The following RAD54B variants were observed in gnomAD, a reference collection of about 807,000 sequenced individuals.
RAD54B encodes the protein DNA repair and recombination protein RAD54B.
RAD54B carries 78 observed loss-of-function variants against 95.8 expected under a neutral mutation model. The ratio of observed to expected loss-of-function variants is 0.81; its 90% CI spans 0.68 to 0.98. The LOEUF is 0.98. Ranked by LOEUF, RAD54B falls within the 50% of genes least tolerant of loss-of-function variation. The pLI is 0.00. For synonymous variants in RAD54B, 328 were observed against 354.9 expected, an observed-to-expected ratio of 0.92 and a Z score of 0.85; for missense variants, 957 against 1,056.6, an observed-to-expected ratio of 0.91 and a Z score of 1.31.
intron 12 of RAD54B, 70 bp from the exon 13 acceptor site, chr8:94,378,704 C>A: frequency 9.5e-7 from 1 of 1,047,236 alleles, no homozygotes; most frequent in Non-Finnish European, 1.4e-6. Flanking sequence ...ATGCAATTTG[C>A]AGAAATATGT....
At chr8:94,407,411 A>G (rs776628803) in intron 5 of RAD54B, 28 bp downstream of exon 5, 189 of 1,559,814 alleles carry the variant, frequency 1.2e-4, no homozygotes, top group Non-Finnish European at 1.6e-4. Flanking sequence ...GTAAAAACAG[A>G]AAATTCAAAT....
chr8:94,385,010 G>A (rs1029078438), intron 11 of RAD54B, among the ~76,000 whole-genome samples: 17 of 152,120 alleles, frequency 1.1e-4, no homozygotes, highest in African/African-American at 3.9e-4. Flanking sequence ...AGCTGAAGTG[G>A]GAGGATCACT....
intron 1 of RAD54B, among the ~76,000 whole-genome samples, chr8:94,469,961 G>A (rs1813126589): frequency 6.6e-6 from 1 of 152,174 alleles, no homozygotes; most frequent in South Asian, 2.1e-4. Context: ...TGGAAAACAA[G>A]GACATTACAT....
chr8:94,379,819 C>A (rs1257635013), intron 12 of RAD54B, among the ~76,000 whole-genome samples: 1 of 152,220 alleles, frequency 6.6e-6, no homozygotes, highest in African/African-American at 2.4e-5. Flanking sequence ...ACCTGATGGT[C>A]ATGAACACCC....
At chr8:94,418,551 A>C (rs1563649264) in intron 3 of RAD54B, among the ~76,000 whole-genome samples, 1 of 152,170 alleles carries the variant, frequency 6.6e-6, no homozygotes, top group Non-Finnish European at 1.5e-5. Flanking sequence ...AACCACCATG[A>C]CCACAATCAG....
intron 12 of RAD54B, among the ~76,000 whole-genome samples, chr8:94,378,878 G>C (rs1209668247): frequency 1.3e-5 from 2 of 152,198 alleles, no homozygotes; most frequent in Admixed American, 6.5e-5. Context: ...GCAAGAGTGA[G>C]AGAATAGATC....
At chr8:94,457,867 T>C (rs1211173053) in intron 3 of RAD54B, among the ~76,000 whole-genome samples, 1 of 152,208 alleles carries the variant, frequency 6.6e-6, no homozygotes, top group Non-Finnish European at 1.5e-5. Context: ...ATCATAATAA[T>C]TCAACTCTGA....
intron 3 of RAD54B, among the ~76,000 whole-genome samples, chr8:94,436,291 G>A (rs1277744394): frequency 6.6e-6 from 1 of 152,040 alleles, no homozygotes; most frequent in African/African-American, 2.4e-5. Flanking sequence ...AAGGGGGAGG[G>A]GAAGACAGTA....
intron 4 of RAD54B, among the ~76,000 whole-genome samples, chr8:94,409,252 A>G (rs969991509): frequency 6.6e-6 from 1 of 152,024 alleles, no homozygotes; most frequent in Admixed American, 6.6e-5. Flanking sequence ...ATGTTTGGAT[A>G]TTTTCATTTT....
chr8:94,429,212 C>T (rs1322713083), intron 3 of RAD54B: 2 of 703,106 alleles, frequency 2.8e-6, no homozygotes, highest in African/African-American at 1.9e-5. Context: ...TCACCTAACA[C>T]ACTAAAGAAA....
chr8:94,422,775 T>TATATATAA (rs1480138158), intron 3 of RAD54B, among the ~76,000 whole-genome samples: 2 of 143,034 alleles, frequency 1.4e-5, no homozygotes, highest in African/African-American at 5.1e-5. Flanking sequence ...TATATATATA[T>TATATATAA]AATTGTTAGG....
chr8:94,465,506 G>C (rs1813002695), intron 2 of RAD54B, among the ~76,000 whole-genome samples: 1 of 152,066 alleles, frequency 6.6e-6, no homozygotes, highest in Non-Finnish European at 1.5e-5. Context: ...TTTTTAAATG[G>C]AAAATAACAA....
intron 9 of RAD54B, among the ~76,000 whole-genome samples, chr8:94,392,140 T>C (rs1457468898): frequency 6.6e-6 from 1 of 152,236 alleles, no homozygotes; most frequent in Non-Finnish European, 1.5e-5. Context: ...TATCCTATAA[T>C]TGGTAGAATC....
intron 3 of RAD54B, among the ~76,000 whole-genome samples, chr8:94,445,759 G>C (rs1160091807): frequency 1.3e-5 from 2 of 151,526 alleles, no homozygotes; most frequent in Non-Finnish European, 2.9e-5. Flanking sequence ...TTGAACTCCT[G>C]GCCTCAAGTG....
chr8:94,469,816 T>A (rs535819470), intron 1 of RAD54B, among the ~76,000 whole-genome samples: 1 of 152,366 alleles, frequency 6.6e-6, no homozygotes, highest in East Asian at 1.9e-4. Context: ...GGTATTTTTA[T>A]AATTCTACTT....
intron 4 of RAD54B, among the ~76,000 whole-genome samples, chr8:94,410,450 G>C (rs1056651774): frequency 9.2e-5 from 14 of 152,094 alleles, no homozygotes; most frequent in South Asian, 2.1e-4. Flanking sequence ...GCACATAATA[G>C]TTATTAAAAA....
At chr8:94,384,255 A>G (rs1295463791) in intron 11 of RAD54B, among the ~76,000 whole-genome samples, 2 of 152,348 alleles carry the variant, frequency 1.3e-5, no homozygotes, top group Non-Finnish European at 2.9e-5. Flanking sequence ...CCAAGTGTTC[A>G]GCAATAGATG....
intron 3 of RAD54B, among the ~76,000 whole-genome samples, chr8:94,457,511 GAA>G: frequency 1.3e-5 from 2 of 152,284 alleles, no homozygotes; most frequent in South Asian, 4.1e-4. Context: ...TAATCATCAG[GAA>G]GTCCAAGAAC....
intron 8 of RAD54B, among the ~76,000 whole-genome samples, chr8:94,396,422 TG>T (rs555007964): frequency 2.1e-3 from 326 of 152,096 alleles, no homozygotes; most frequent in African/African-American, 7.2e-3. Context: ...TTTTTTGGTT[TG>T]TTTTTTTAAA....
Sources: gnomAD v4.1 joint callset for allele counts (sites outside exome capture counted in the v4.1 genomes callset) on GRCh38, gnomAD v4.1.1 for gene constraint, MANE v1.5 for transcripts, NCBI Gene and HGNC (gene_info 2026-07-23, HGNC 2026-07-21) for gene names.